Variants in NKAIN2 observed in about 807,000 individuals in gnomAD.
NKAIN2 encodes sodium/potassium transporting ATPase interacting 2.
Under a neutral mutation model 32.6 loss-of-function variants are expected in NKAIN2, and 14 were observed. The ratio of observed to expected loss-of-function variants is 0.43; its 90% CI spans 0.28 to 0.67. NKAIN2 has a LOEUF of 0.67. NKAIN2 is among the 30% of genes least tolerant of loss of function. The pLI is 0.17. For synonymous variants in NKAIN2, 80 were observed against 87.2 expected (o/e 0.92, Z 0.46); for missense variants, 198 against 258.3 (o/e 0.77, Z 1.60).
chr6:124,710,527 G>A (rs1384680311), intron 4 of NKAIN2, among the ~76,000 whole-genome samples: 100 of 152,160 alleles, frequency 6.6e-4, no homozygotes, highest in African/African-American at 1.2e-3. Flanking sequence ...TATTGGGTGC[G>A]TATATATTTA....
intron 1 of NKAIN2, among the ~76,000 whole-genome samples, chr6:124,277,457 G>GTA: frequency 6.8e-6 from 1 of 147,230 alleles, no homozygotes; most frequent in South Asian, 2.1e-4. Context: ...GTGTGTGTGT[G>GTA]TATCTGTGTG....
chr6:123,990,523 C>T (rs1397939135), intron 1 of NKAIN2, among the ~76,000 whole-genome samples: 2 of 152,146 alleles, frequency 1.3e-5, no homozygotes, highest in African/African-American at 2.4e-5. Context: ...GGACTATCCA[C>T]GAAACCACTG....
chr6:124,193,513 A>G (rs1468319816), intron 1 of NKAIN2, among the ~76,000 whole-genome samples: 1 of 152,148 alleles, frequency 6.6e-6, no homozygotes, highest in Non-Finnish European at 1.5e-5. Context: ...GCAGAGCCCT[A>G]AGGAAGGAGT....
chr6:124,457,139 G>A (rs937325469), intron 3 of NKAIN2, among the ~76,000 whole-genome samples: 4 of 151,806 alleles, frequency 2.6e-5, no homozygotes, highest in Admixed American at 6.6e-5. Context: ...GTTGGACACC[G>A]AATGAAAATA....
chr6:124,582,266 T>C (rs1162692319), intron 3 of NKAIN2, among the ~76,000 whole-genome samples: 1 of 152,194 alleles, frequency 6.6e-6, no homozygotes, highest in Admixed American at 6.5e-5. Context: ...TAGCTTCTAA[T>C]GATCCTTTGA....
intron 1 of NKAIN2, among the ~76,000 whole-genome samples, chr6:123,804,657 C>T (rs942899574): frequency 7.2e-5 from 11 of 152,248 alleles, no homozygotes; most frequent in African/African-American, 2.6e-4. Context: ...ACTAATTTTG[C>T]AGTATCTTTG....
intron 3 of NKAIN2, among the ~76,000 whole-genome samples, chr6:124,396,057 A>T (rs1003155074): frequency 7.2e-5 from 11 of 152,082 alleles, no homozygotes; most frequent in Admixed American, 2.6e-4. Context: ...CTTCCATGGT[A>T]CTTTGCATTT....
chr6:124,138,337 A>G (rs1454674372), intron 1 of NKAIN2, among the ~76,000 whole-genome samples: 1 of 152,154 alleles, frequency 6.6e-6, no homozygotes, highest in Non-Finnish European at 1.5e-5. Context: ...AAAAAATAAG[A>G]GATGTTGGCA....
intron 1 of NKAIN2, among the ~76,000 whole-genome samples, chr6:124,090,523 A>G (rs1343637967): frequency 1.3e-5 from 2 of 152,018 alleles, no homozygotes; most frequent in African/African-American, 4.8e-5. Flanking sequence ...TAGAGGCATA[A>G]GTCAGATGAG....
chr6:123,982,232 T>G (rs1043262345), intron 1 of NKAIN2, among the ~76,000 whole-genome samples: 3 of 152,182 alleles, frequency 2.0e-5, no homozygotes, highest in African/African-American at 7.2e-5. Context: ...TCTAGGGATT[T>G]CTTGACAGTG....
chr6:124,552,167 A>G (rs746256151), intron 3 of NKAIN2, among the ~76,000 whole-genome samples: 3 of 152,218 alleles, frequency 2.0e-5, no homozygotes, highest in Admixed American at 6.5e-5. Flanking sequence ...TCAATGACCT[A>G]CTATGATACT....
intron 1 of NKAIN2, among the ~76,000 whole-genome samples, chr6:123,879,217 A>T (rs1773328373): frequency 6.6e-6 from 1 of 152,234 alleles, no homozygotes; most frequent in Non-Finnish European, 1.5e-5. Context: ...TTCAAGATCA[A>T]ATGGAACTTG....
At chr6:123,883,632 C>A (rs1773563555) in intron 1 of NKAIN2, among the ~76,000 whole-genome samples, 1 of 137,866 alleles carries the variant, frequency 7.3e-6, no homozygotes, top group Admixed American at 8.1e-5. Context: ...GCCAATTAAA[C>A]CTCTTTTTTA....
In NKAIN2 at chr6:124,627,213, T is replaced by G. The variant is rs762550260; in HGVS notation, c.274-30973T>G. On this transcript the variant is annotated intron_variant, in intron 3 of 6. Transcript: ENST00000368417. Reference sequence around the variant, plus strand: ...TGAACATGGGAGGCGGAGGTTGCAGTGAACCAAGATCACATCACTGCACTC... The same window carrying G: ...TGAACATGGGAGGCGGAGGTTGCAGGGAACCAAGATCACATCACTGCACTC... 2.9e-4 allele frequency among the ~76,000 whole-genome samples: 44 copies of G among 151,988 alleles called. 1 individual carries two copies. Among genetic ancestry groups the G allele is most frequent in the Admixed American group, 2.6e-4 (4 of 15,260 alleles).
intron 1 of NKAIN2, among the ~76,000 whole-genome samples, chr6:123,938,396 TTATATATATATATATA>T (rs71021471): frequency 0.073 from 3,812 of 52,576 alleles, 141 homozygotes; most frequent in East Asian, 0.12. Context: ...TTTGCAAGGG[TTATATATATATATATA>T]TATATATATA....
intron 3 of NKAIN2, among the ~76,000 whole-genome samples, chr6:124,418,704 A>G (rs547056274): frequency 5.3e-5 from 8 of 151,350 alleles, no homozygotes; most frequent in African/African-American, 1.9e-4. Flanking sequence ...GATTTCTTAC[A>G]CCTTGTGTCC....
intron 1 of NKAIN2, among the ~76,000 whole-genome samples, chr6:124,116,783 A>G (rs923876184): frequency 6.6e-6 from 1 of 152,120 alleles, no homozygotes; most frequent in Non-Finnish European, 1.5e-5. Flanking sequence ...ATGTAACCAT[A>G]GCCATTATAT....
intron 3 of NKAIN2, among the ~76,000 whole-genome samples, chr6:124,489,657 G>T (rs887188467): frequency 6.6e-6 from 1 of 151,750 alleles, no homozygotes; most frequent in Non-Finnish European, 1.5e-5. Flanking sequence ...AAAACAGCAT[G>T]GTTGTATGGG....
chr6:124,534,845 C>T (rs549265194), intron 3 of NKAIN2, among the ~76,000 whole-genome samples: 41 of 152,118 alleles, frequency 2.7e-4, no homozygotes, highest in African/African-American at 9.2e-4. Context: ...TTTTCTAAGA[C>T]TTTACATGTA....
Sources: gnomAD v4.1 joint callset for allele counts (sites outside exome capture counted in the v4.1 genomes callset) on GRCh38, gnomAD v4.1.1 for gene constraint, MANE v1.5 for transcripts, NCBI Gene and HGNC (gene_info 2026-07-23, HGNC 2026-07-21) for gene names.